CYB5R4: variants seen among roughly 807,000 people sequenced by gnomAD.
CYB5R4 encodes the protein cytochrome b5 reductase 4.
CYB5R4 carries 55 observed loss-of-function variants against 70.2 expected under a neutral mutation model. The ratio of observed to expected loss-of-function variants is 0.78; its 90% confidence interval spans 0.63 to 0.98. The LOEUF is 0.98. Ranked by LOEUF, CYB5R4 falls within the 50% of genes least tolerant of loss-of-function variation. The pLI is 0.00. For synonymous variants in CYB5R4, 197 were observed against 199.5 expected (o/e 0.99, Z 0.11); for missense variants, 562 against 612.6 (o/e 0.92, Z 0.87).
chr6:83,953,471 A>G (rs1382396557), intron 14 of CYB5R4, among the ~76,000 whole-genome samples: 1 of 152,000 alleles, frequency 6.6e-6, no homozygotes, highest in East Asian at 1.9e-4. Context: ...TTAGCTAGAA[A>G]AAAAACAAAA....
At position 83,934,716 on chromosome 6, in the gene CYB5R4, C is replaced by T; in HGVS notation, c.936C>T (p.Tyr312=). 3 of 1,612,928 alleles carry T rather than the reference C, an allele frequency of 1.9e-6. No homozygotes were observed. The Middle Eastern group carries it at 5.0e-4, about 266-fold the overall frequency. ...HLQVPIGQHV[Y]LKLPITGTEI... ...AAGTGCCCATTGGGCAACATGTTTA[C>T]CTCAAGCTACCTATTACAGGTAAGG... Residue 312 remains tyrosine, a synonymous_variant, in exon 11 of 16, where the codon TAC becomes TAT. Coordinates refer to ENST00000369681, the MANE Select transcript of CYB5R4 (RefSeq NM_016230.4).
intron 14 of CYB5R4, among the ~76,000 whole-genome samples, chr6:83,953,679 A>G (rs2099471880): frequency 1.3e-5 from 2 of 152,152 alleles, no homozygotes; most frequent in Admixed American, 6.5e-5. Flanking sequence ...TAGATGAGAT[A>G]TAAGAACCTG....
chr6:83,953,387 T>C (rs890816272), intron 14 of CYB5R4, among the ~76,000 whole-genome samples: 3 of 151,708 alleles, frequency 2.0e-5, no homozygotes, highest in Non-Finnish European at 2.9e-5. Context: ...TTTATCTAAT[T>C]TTGATTCCTA....
At chr6:83,896,189 C>T (rs1274540113) in intron 3 of CYB5R4, among the ~76,000 whole-genome samples, 1 of 152,120 alleles carries the variant, frequency 6.6e-6, no homozygotes, top group East Asian at 1.9e-4. Flanking sequence ...TTCCCACTAC[C>T]TTAGTTCACT....
chr6:83,931,789 TTA>T (rs1256504810), intron 10 of CYB5R4, among the ~76,000 whole-genome samples: 3 of 119,924 alleles, frequency 2.5e-5, no homozygotes, highest in African/African-American at 7.9e-5. Context: ...TCTTTTTTGT[TTA>T]TATATATATA....
chr6:83,924,545 GC>G lies in CYB5R4; in HGVS notation c.769del (p.His257IlefsTer3). On this transcript the variant is annotated frameshift_variant, in exon 10 of 16. Coordinates refer to ENST00000369681, the MANE Select transcript of CYB5R4 (RefSeq NM_016230.4). LOFTEE classifies it high-confidence loss of function. Reference protein sequence around the residue: ...KKENTSWDFLGHPLKNHNSLI... With the variant: ...KKENTSWDFLXHPLKNHNSLI... Reference sequence around the variant, plus strand: ...GAGAATACTTCTTGGGACTTTCTTGGCCATCCCCTGAAGAATCATAATTCAC... The same window carrying G: ...GAGAATACTTCTTGGGACTTTCTTGGCATCCCCTGAAGAATCATAATTCAC... 6.2e-7 allele frequency: 1 copy of G among 1,613,520 alleles called. No homozygotes were observed. Among genetic ancestry groups the G allele is most frequent in the Non-Finnish European group, 8.5e-7 (1 of 1,179,614 alleles).
rs1428280869 is a variant in CYB5R4, at chr6:83,961,351, G to C, written c.*1473G>C. 6.6e-6 allele frequency: 1 copy of C among 151,624 alleles called. No homozygotes were observed. The highest frequency in any genetic ancestry group is 1.5e-5 in the Non-Finnish European group (1 of 67,958). 9.4% of individuals were successfully genotyped at this position (151,624 alleles called of 1,614,324 possible). ...TTCCATCTAAGGGTGAGGTGATTTGGCTCTGTGTCCTCACCCAAATCTCCT... is the reference window on the plus strand; with the variant it reads ...TTCCATCTAAGGGTGAGGTGATTTGCCTCTGTGTCCTCACCCAAATCTCCT... On this transcript the variant is annotated 3_prime_UTR_variant, in exon 16 of 16. Coordinates refer to ENST00000369681, the MANE Select transcript of CYB5R4 (RefSeq NM_016230.4).
chr6:83,897,002 T>C (rs550375798), intron 3 of CYB5R4, among the ~76,000 whole-genome samples: 9 of 152,106 alleles, frequency 5.9e-5, no homozygotes, highest in Non-Finnish European at 1.3e-4. Context: ...TTTGGTGTGC[T>C]GCACCCATTA....
chr6:83,945,171 G>T (rs967971569), intron 14 of CYB5R4, among the ~76,000 whole-genome samples: 2 of 152,122 alleles, frequency 1.3e-5, no homozygotes, highest in African/African-American at 4.8e-5. Flanking sequence ...CCACATAATT[G>T]GAAGTAAAAC....
At position 83,967,165 on chromosome 6, in the gene CYB5R4, T is replaced by A. The variant is rs992102192; in HGVS notation, c.*7287T>A. ...ATAAACCAATATAGAATGCAAAAAC[T>A]TGGGAAATATTGTTTTCCAAAGCCT... On this transcript the variant is annotated 3_prime_UTR_variant, in exon 16 of 16. Transcript: ENST00000369681. 1 of 152,112 alleles carries A rather than the reference T, an allele frequency of 6.6e-6. No individual in the cohort carries two copies. The allele number at this position is 152,112 out of a possible 1,614,324, so 9.4% of individuals were successfully genotyped here. A position where few individuals can be genotyped will look rare whatever the true frequency, so the allele number is the denominator to read the frequency against.
chr6:83,954,869 C>T (rs576870569), intron 14 of CYB5R4, among the ~76,000 whole-genome samples: 178 of 151,852 alleles, frequency 1.2e-3, no homozygotes, highest in African/African-American at 4.1e-3. Context: ...CATGCCACCA[C>T]ACCTGGCTAA....
chr6:83,896,786 T>TA (rs528271499), intron 3 of CYB5R4, among the ~76,000 whole-genome samples: 76 of 152,342 alleles, frequency 5.0e-4, no homozygotes, highest in Non-Finnish European at 7.9e-4. Flanking sequence ...TTTGGATAGA[T>TA]ACCCAATAGT....
chr6:83,875,994 C>G (rs1344154417), intron 2 of CYB5R4, among the ~76,000 whole-genome samples: 1 of 152,084 alleles, frequency 6.6e-6, no homozygotes, highest in Non-Finnish European at 1.5e-5. Context: ...TGGAGTCGCT[C>G]TGGTTCGAAC....
intron 12 of CYB5R4, 133 bp from the exon 13 acceptor site, chr6:83,939,923 A>C: frequency 1.7e-6 from 1 of 574,716 alleles, no homozygotes. Flanking sequence ...ATAGTCTGCA[A>C]GTTAAGTATT....
At chr6:83,934,568 A>C in intron 10 of CYB5R4, 27 bp from the exon 11 acceptor site, 1 of 1,544,884 alleles carries the variant, frequency 6.5e-7, no homozygotes, top group Non-Finnish European at 8.9e-7. Context: ...TTTATGTATC[A>C]ATAAGAGAAA....
chr6:83,885,867 A>G (rs1198299173), intron 2 of CYB5R4, among the ~76,000 whole-genome samples: 3 of 152,196 alleles, frequency 2.0e-5, no homozygotes, highest in Non-Finnish European at 4.4e-5. Context: ...TCTGTGACCC[A>G]CCAAATTTAC....
At chr6:83,910,096 A>G (rs753304667) in intron 4 of CYB5R4, 1 of 1,608,594 alleles carries the variant, frequency 6.2e-7, no homozygotes, top group Non-Finnish European at 8.5e-7. Context: ...AGAGCTGAGG[A>G]TGGAGATAGA....
chr6:83,908,128 C>A (rs1482238813), intron 3 of CYB5R4, among the ~76,000 whole-genome samples: 2 of 152,142 alleles, frequency 1.3e-5, no homozygotes, highest in Non-Finnish European at 2.9e-5. Flanking sequence ...TCTCCGCAAC[C>A]TCGCCAACAT....
At chr6:83,948,159 G>A (rs151075554) in intron 14 of CYB5R4, among the ~76,000 whole-genome samples, 19 of 152,254 alleles carry the variant, frequency 1.2e-4, no homozygotes, top group East Asian at 9.7e-4. Flanking sequence ...AGAAAATGTG[G>A]CACATTACAC....
Sources: gnomAD v4.1 joint callset for allele counts (sites outside exome capture counted in the v4.1 genomes callset) on GRCh38, gnomAD v4.1.1 for gene constraint, MANE v1.5 for transcripts, NCBI Gene and HGNC (gene_info 2026-07-23, HGNC 2026-07-21) for gene names.